STMN1: variants seen among roughly 807,000 people sequenced by gnomAD.
STMN1 encodes stathmin 1, also known as stathmin.
Under a neutral mutation model 19.7 loss-of-function variants are expected in STMN1, and 3 were observed. The observed-to-expected ratio is 0.15, with a 90% CI of 0.07 to 0.39. The LOEUF is 0.39. Among genes scored for constraint, STMN1 ranks in the 10% least tolerant of loss-of-function variants. The pLI is 1.00. For missense variants in STMN1, 99 were observed against 176.0 expected (o/e 0.56, Z 2.48); for synonymous variants, 59 against 58.9 (o/e 1.00, Z -0.01).
intron 3 of STMN1, chr1:25,903,404 CTG>C (rs1254901052): frequency 1.1e-5 from 5 of 452,890 alleles, no homozygotes; most frequent in Non-Finnish European, 1.5e-5. Context: ...ATTCCTGAAA[CTG>C]TTTCTAATTT....
intron 4 of STMN1, chr1:25,892,724 A>G: frequency 2.6e-6 from 1 of 387,670 alleles, no homozygotes; most frequent in Non-Finnish European, 3.5e-6. Context: ...ACGGGACAGC[A>G]CTACCCCAGG....
chr1:25,905,700 G>A (rs139372021), intron 1 of STMN1, among the ~76,000 whole-genome samples: 3,348 of 151,984 alleles, frequency 0.022, 49 homozygotes, highest in Non-Finnish European at 0.033. Flanking sequence ...CTCCCCCTGC[G>A]CGGACGCCCC....
At chr1:25,889,107 T>G (rs1478773057) in intron 4 of STMN1, 3 of 472,712 alleles carry the variant, frequency 6.3e-6, no homozygotes, top group African/African-American at 2.0e-5. Flanking sequence ...GCTGGGTCTA[T>G]AAGGAATTCC....
intron 4 of STMN1, among the ~76,000 whole-genome samples, chr1:25,887,102 T>G (rs1192776714): frequency 6.6e-6 from 1 of 152,186 alleles, no homozygotes; most frequent in African/African-American, 2.4e-5. Context: ...CTGGGTTGTG[T>G]GTCTTGTTCT....
At chr1:25,897,062 G>T (rs1179449981), downstream of STMN1, among the ~76,000 whole-genome samples, 1 of 152,118 alleles carries the variant, frequency 6.6e-6, no homozygotes, top group African/African-American at 2.4e-5. Flanking sequence ...TGCCTGTAAT[G>T]CCAGCACTTT....
At chr1:25,893,149 GA>G (rs1432668606) in intron 4 of STMN1, among the ~76,000 whole-genome samples, 8 of 151,908 alleles carry the variant, frequency 5.3e-5, no homozygotes, top group Non-Finnish European at 7.4e-5. Context: ...TGAAAAAAAC[GA>G]AATGAAAAAG....
chr1:25,904,793 T>A, intron 1 of STMN1, 55 bp from the exon 2 acceptor site: 2 of 1,427,742 alleles, frequency 1.4e-6, no homozygotes, highest in Non-Finnish European at 1.9e-6. Context: ...CTATATGTCA[T>A]CAACCCAAAA....
chr1:25,894,910 G>T (rs973797456), intron 4 of STMN1, among the ~76,000 whole-genome samples: 1 of 151,678 alleles, frequency 6.6e-6, no homozygotes, highest in African/African-American at 2.4e-5. Flanking sequence ...ACCTCCAAAG[G>T]TCTGAGGGTC....
At position 25,900,448 on chromosome 1, in the gene STMN1, C is replaced by T. The variant is rs987229133; in HGVS notation, c.*568G>A. 1.6e-5 allele frequency: 16 copies of T among 985,692 alleles called. No homozygotes were observed. Among genetic ancestry groups the T allele is most frequent in the African/African-American group, 1.7e-5 (1 of 57,210 alleles). 61.1% of individuals were successfully genotyped at this position (985,692 alleles called of 1,614,324 possible). On this transcript the variant is annotated 3_prime_UTR_variant, in exon 5 of 5. Transcript: ENST00000455785. ...GGCAAGAAACGGGGCAGAGAACGTGCGGTCATTTGTGCGTTGGGTATTTCT... is the reference window on the plus strand; with the variant it reads ...GGCAAGAAACGGGGCAGAGAACGTGTGGTCATTTGTGCGTTGGGTATTTCT...
chr1:25,899,221 T>A (rs1211193362), downstream of STMN1, among the ~76,000 whole-genome samples: 2 of 152,174 alleles, frequency 1.3e-5, no homozygotes, highest in Non-Finnish European at 2.9e-5. Context: ...CCTCCCTAAA[T>A]GTCTTAGATG....
At chr1:25,890,456 G>A (rs573564137) in intron 4 of STMN1, among the ~76,000 whole-genome samples, 53 of 152,296 alleles carry the variant, frequency 3.5e-4, no homozygotes, top group Admixed American at 1.2e-3. Flanking sequence ...AAGGGAGTGT[G>A]GGGGAATTTA....
downstream of STMN1, among the ~76,000 whole-genome samples, chr1:25,899,660 C>T (rs751816425): frequency 1.3e-5 from 2 of 152,126 alleles, no homozygotes; most frequent in East Asian, 1.9e-4. Flanking sequence ...GTGATTTATA[C>T]GGAATGCTAA....
At chr1:25,889,782 C>T (rs1400568745) in intron 4 of STMN1, among the ~76,000 whole-genome samples, 1 of 152,190 alleles carries the variant, frequency 6.6e-6, no homozygotes, top group Non-Finnish European at 1.5e-5. Context: ...TCGCCCTGGC[C>T]CCAGGCTACA....
rs1179436223 is a variant in STMN1, at chr1:25,906,035, C to T, written c.-63+354G>A. The T allele has an allele frequency of 1.3e-5, 2 of 151,440 alleles. No individual in the cohort carries two copies. The highest frequency in any genetic ancestry group is 4.8e-5 in the African/African-American group (2 of 41,320). 9.4% of individuals were successfully genotyped at this position (151,440 alleles called of 1,614,324 possible). On this transcript the variant is annotated intron_variant, in intron 1 of 4. Transcript: ENST00000455785. The surrounding 1 kb of genome is among the most constrained non-coding windows in gnomAD (Gnocchi z 4.5). Reference sequence around the variant, plus strand: ...TGGTCCCTGGGGCACCGCCCCGTCCCTTCAGACAATGGGGAACCCGGCGGG... The same window carrying T: ...TGGTCCCTGGGGCACCGCCCCGTCCTTTCAGACAATGGGGAACCCGGCGGG...
chr1:25,903,616 G>A, intron 3 of STMN1, 25 bp downstream of exon 3: 1 of 1,608,970 alleles, frequency 6.2e-7, no homozygotes, highest in South Asian at 1.1e-5. Context: ...TTAATATCCT[G>A]CTTTCTGTGA....
Position 25,904,763 on chromosome 1 carries a change from C to T in STMN1, c.-62-25G>A. On this transcript the variant is annotated intron_variant, in intron 1 of 4. Coordinates refer to ENST00000455785, the MANE Select transcript of STMN1 (RefSeq NM_005563.4). ...CCTGAAAATGATTTTCAAAAACATG[C>T]AATCACTTTCTTTGCCTTTCTATAT... is the stretch of plus-strand genomic sequence containing the variant. 4 of 1,580,790 alleles carry T rather than the reference C, an allele frequency of 2.5e-6. No homozygotes were observed. The South Asian group carries it at 4.7e-5, about 18-fold the overall frequency.
intron 4 of STMN1, among the ~76,000 whole-genome samples, chr1:25,886,578 A>G (rs148343602): frequency 1.3e-5 from 1 of 74,564 alleles, no homozygotes; most frequent in South Asian, 4.8e-4. Context: ...CACCCCCACC[A>G]CTTTTTTTTT....
In STMN1 at chr1:25,900,420, T is replaced by G; in HGVS notation, c.*596A>C. ...TGGAAGGAGACAATGCAAACCACAC[T>G]GGGGCAAGAAACGGGGCAGAGAACG... On this transcript the variant is annotated 3_prime_UTR_variant, in exon 5 of 5. Transcript: ENST00000455785. The G allele has an allele frequency of 1.0e-6, 1 of 985,802 alleles. No homozygotes were observed. Among genetic ancestry groups the G allele is most frequent in the African/African-American group, 1.7e-5 (1 of 57,312 alleles). 61.1% of individuals were successfully genotyped at this position (985,802 alleles called of 1,614,324 possible).
exon 5 of STMN1, chr1:25,885,698 T>C (rs746932572): frequency 2.5e-5 from 39 of 1,543,704 alleles, no homozygotes; most frequent in Admixed American, 4.0e-5. Flanking sequence ...ATTGCTATCA[T>C]CAACAGCAAA....
Sources: gnomAD v4.1 joint callset for allele counts (sites outside exome capture counted in the v4.1 genomes callset) on GRCh38, gnomAD v4.1.1 for gene constraint, Gnocchi (gnomAD v3.1) non-coding constraint, MANE v1.5 for transcripts, NCBI Gene and HGNC (gene_info 2026-07-23, HGNC 2026-07-21) for gene names.